The following PAN3 variants were observed in gnomAD, a reference collection of about 807,000 sequenced individuals.
PAN3 encodes PAN2-PAN3 deadenylation complex subunit PAN3.
PAN3 carries 19 observed loss-of-function variants against 96.2 expected under a neutral mutation model. That is an observed-to-expected ratio of 0.20 (90% CI 0.14 to 0.29). The LOEUF (loss-of-function observed/expected upper bound fraction) is 0.29. Among genes scored for constraint, PAN3 ranks in the 10% least tolerant of loss-of-function variants. The pLI is 1.00. For missense variants in PAN3, 882 were observed against 1,108.1 expected (o/e 0.80, Z 2.90); for synonymous variants, 433 against 406.6 (o/e 1.06, Z -0.78).
chr13:28,150,191 A>T (rs1210432582), intron 1 of PAN3, among the ~76,000 whole-genome samples: 1 of 152,158 alleles, frequency 6.6e-6, no homozygotes, highest in Admixed American at 6.5e-5. Flanking sequence ...CTGTGACAAT[A>T]TGTCAGCTAT....
At chr13:28,275,155 G>A (rs1040355596) in intron 14 of PAN3, among the ~76,000 whole-genome samples, 2 of 152,018 alleles carry the variant, frequency 1.3e-5, no homozygotes, top group Non-Finnish European at 1.5e-5. Context: ...TGGGTTTTAC[G>A]GTGTGAAACT....
chr13:28,152,445 G>C (rs751814555), intron 1 of PAN3, among the ~76,000 whole-genome samples: 1 of 151,976 alleles, frequency 6.6e-6, no homozygotes, highest in Non-Finnish European at 1.5e-5. Context: ...TTAGCTGGGC[G>C]TGATGGTGGG....
At chr13:28,232,451 A>G (rs1176963509) in intron 6 of PAN3, 2 of 152,088 alleles carry the variant, frequency 1.3e-5, no homozygotes, top group Admixed American at 6.6e-5. Flanking sequence ...TGCATATAGA[A>G]GATGAAGCTC....
At chr13:28,183,691 A>G (rs1296239328) in intron 4 of PAN3, among the ~76,000 whole-genome samples, 1 of 152,206 alleles carries the variant, frequency 6.6e-6, no homozygotes, top group Non-Finnish European at 1.5e-5. Context: ...GATAGTGGTT[A>G]AGGCTTTAGG....
chr13:28,153,310 A>C (rs980776039), intron 1 of PAN3, among the ~76,000 whole-genome samples: 2 of 134,312 alleles, frequency 1.5e-5, no homozygotes, highest in African/African-American at 2.9e-5. Context: ...ATCTCGGCTC[A>C]CTGTAACCTC....
intron 6 of PAN3, among the ~76,000 whole-genome samples, chr13:28,232,973 A>G (rs1179518197): frequency 1.3e-5 from 2 of 152,198 alleles, no homozygotes; most frequent in African/African-American, 2.4e-5. Flanking sequence ...TAGATTCATT[A>G]TAAAACATCT....
chr13:28,208,621 C>CTT (rs1879660041), intron 5 of PAN3, among the ~76,000 whole-genome samples: 1 of 152,046 alleles, frequency 6.6e-6, no homozygotes, highest in South Asian at 2.1e-4. Flanking sequence ...TGAACATTGA[C>CTT]TTTGAGCATC....
At chr13:28,147,459 CG>C (rs1184583513) in intron 1 of PAN3, among the ~76,000 whole-genome samples, 1 of 152,126 alleles carries the variant, frequency 6.6e-6, no homozygotes, top group Non-Finnish European at 1.5e-5. Context: ...GTTGAAAATG[CG>C]TTTAATTCAC....
intron 4 of PAN3, among the ~76,000 whole-genome samples, chr13:28,180,481 G>A (rs1004592437): frequency 6.6e-5 from 10 of 152,128 alleles, no homozygotes; most frequent in African/African-American, 1.7e-4. Context: ...TGGCATAGGA[G>A]TATGACATAT....
intron 6 of PAN3, among the ~76,000 whole-genome samples, chr13:28,223,203 A>G (rs886826520): frequency 2.0e-5 from 3 of 152,352 alleles, no homozygotes; most frequent in Admixed American, 6.5e-5. Flanking sequence ...AAAACTTTAT[A>G]CAAATATTTG....
intron 1 of PAN3, among the ~76,000 whole-genome samples, chr13:28,146,610 A>G (rs1314281668): frequency 6.6e-6 from 1 of 152,172 alleles, no homozygotes; most frequent in Non-Finnish European, 1.5e-5. Context: ...CTTCTAGGCC[A>G]CAAATTTGTA....
intron 5 of PAN3, chr13:28,214,383 C>A: frequency 6.3e-6 from 1 of 159,634 alleles, no homozygotes. Context: ...TACTAATAAG[C>A]AATACAAATG....
At chr13:28,196,767 G>A (rs971354434) in intron 4 of PAN3, among the ~76,000 whole-genome samples, 18 of 151,990 alleles carry the variant, frequency 1.2e-4, no homozygotes, top group Admixed American at 1.1e-3. Context: ...GTAGTTTGGC[G>A]AACTTTATAA....
At chr13:28,205,371 C>T (rs985903901) in intron 5 of PAN3, among the ~76,000 whole-genome samples, 3 of 152,048 alleles carry the variant, frequency 2.0e-5, no homozygotes, top group Non-Finnish European at 2.9e-5. Flanking sequence ...TCACCCTGGA[C>T]CTCCTCTTCT....
intron 5 of PAN3, among the ~76,000 whole-genome samples, chr13:28,199,102 A>T (rs1878405484): frequency 1.3e-5 from 2 of 152,216 alleles, no homozygotes; most frequent in South Asian, 4.1e-4. Flanking sequence ...TGTCTTTTAT[A>T]TCAGTAGTGG....
chr13:28,173,581 G>A (rs951139089), intron 1 of PAN3, among the ~76,000 whole-genome samples: 7 of 152,178 alleles, frequency 4.6e-5, no homozygotes, highest in Admixed American at 1.3e-4. Context: ...TCTTACTGGG[G>A]TTGAAGGGGG....
Position 28,174,331 on chromosome 13 carries a change from A to G in PAN3, c.490A>G (p.Thr164Ala), listed in dbSNP as rs1263784721. 1.9e-6 allele frequency: 3 copies of G among 1,612,432 alleles called. No homozygotes were observed. The highest frequency in any genetic ancestry group is 1.7e-5 in the Admixed American group (1 of 60,012). The change falls in exon 2 of 19, where the codon ACC becomes GCC. Residue 164 changes from threonine (T) to alanine (A), a missense_variant. Thr to Ala is a moderately conservative substitution (Grantham distance 58, BLOSUM62 0). Coordinates refer to ENST00000380958, the MANE Select transcript of PAN3 (RefSeq NM_175854.8). Reference protein sequence around the residue: ...DTSLTDSYFSTSFIGVNGFGS... With the variant: ...DTSLTDSYFSASFIGVNGFGS... ...AAGTCTCACAGATTCCTATTTTAGCACCAGCTTTATTGGAGTCAATGGATT... is the reference window on the plus strand; with the variant it reads ...AAGTCTCACAGATTCCTATTTTAGCGCCAGCTTTATTGGAGTCAATGGATT...
At chr13:28,198,413 T>C (rs970405423) in intron 5 of PAN3, among the ~76,000 whole-genome samples, 7 of 152,220 alleles carry the variant, frequency 4.6e-5, no homozygotes, top group African/African-American at 1.4e-4. Context: ...AAATTATATG[T>C]AAACAAACTT....
Position 28,280,395 on chromosome 13 carries a change from T to C in PAN3, c.2190-17T>C. 1 of 1,592,230 alleles carries C rather than the reference T, an allele frequency of 6.3e-7. No homozygotes were observed. Among genetic ancestry groups the C allele is most frequent in the South Asian group, 1.2e-5 (1 of 86,574 alleles). Reference sequence around the variant, plus strand: ...GCATGTTGGACATCCAAGTAATTCCTCTTTTATCTTGGGTAGGTATTTGTT... The same window carrying C: ...GCATGTTGGACATCCAAGTAATTCCCCTTTTATCTTGGGTAGGTATTTGTT... On this transcript the variant is annotated splice_polypyrimidine_tract_variant and intron_variant, in intron 15 of 18. Transcript: ENST00000380958.
Sources: gnomAD v4.1 joint callset for allele counts (sites outside exome capture counted in the v4.1 genomes callset) on GRCh38, gnomAD v4.1.1 for gene constraint, MANE v1.5 for transcripts, NCBI Gene and HGNC (gene_info 2026-07-23, HGNC 2026-07-21) for gene names.